SDK1: variants seen among roughly 807,000 people sequenced by gnomAD.
The protein encoded by SDK1 is protein sidekick-1.
A neutral mutation model predicts 245.5 loss-of-function variants in SDK1; 157 were observed. That is an observed-to-expected ratio of 0.64 (90% CI 0.56 to 0.73). The LOEUF is 0.73. Among genes scored for constraint, SDK1 ranks in the 30% least tolerant of loss-of-function variants. The pLI, the probability that SDK1 is intolerant of heterozygous loss-of-function variation, is 0.00. For synonymous variants in SDK1, 1,647 were observed against 1,278.5 expected, an observed-to-expected ratio of 1.29 and a Z score of -6.15; for missense variants, 3,583 against 3,002.3, an observed-to-expected ratio of 1.19 and a Z score of -4.52.
chr7:3,422,472 T>A (rs1779558922), intron 1 of SDK1, among the ~76,000 whole-genome samples: 1 of 152,128 alleles, frequency 6.6e-6, no homozygotes, highest in Non-Finnish European at 1.5e-5. Flanking sequence ...ATAACCAACT[T>A]TTCTTAATAC....
intron 1 of SDK1, among the ~76,000 whole-genome samples, chr7:3,581,572 G>T (rs928821484): frequency 1.3e-5 from 2 of 152,152 alleles, no homozygotes; most frequent in African/African-American, 4.8e-5. Flanking sequence ...TTAAACCATT[G>T]TGGAAGGCAG....
intron 20 of SDK1, among the ~76,000 whole-genome samples, chr7:4,071,588 A>G (rs1374035553): frequency 1.3e-5 from 2 of 152,228 alleles, no homozygotes; most frequent in Admixed American, 1.3e-4. Flanking sequence ...AGGGCACTAT[A>G]GACTGCAGGA....
chr7:4,260,228 G>A (rs1787896392), intron 44 of SDK1, among the ~76,000 whole-genome samples: 2 of 146,698 alleles, frequency 1.4e-5, no homozygotes, highest in African/African-American at 2.6e-5. Context: ...GTGTGTGTGG[G>A]AAGATGTGTT....
In SDK1 at chr7:3,446,402, C is replaced by G. The variant is rs73293185; in HGVS notation, c.298+144518C>G. On this transcript the variant is annotated intron_variant, in intron 1 of 44. Transcript: ENST00000404826. ...ATTTTTGCACTTTATCATACAATTG[C>G]GGAAAGTTGGAGACAATCTTATAGT... Among the ~76,000 whole-genome samples the G allele has an allele frequency of 9.2e-3, 1,396 of 152,142 alleles. 27 individuals are homozygous for G. Among genetic ancestry groups the G allele is most frequent in the African/African-American group, 0.032 (1,312 of 41,514 alleles).
At chr7:3,359,517 T>C (rs1369331746) in intron 1 of SDK1, among the ~76,000 whole-genome samples, 2 of 152,114 alleles carry the variant, frequency 1.3e-5, no homozygotes, top group African/African-American at 4.8e-5. Flanking sequence ...TTTTTGATTG[T>C]CTATTTTTGC....
chr7:3,508,180 T>G (rs750674783), intron 1 of SDK1, among the ~76,000 whole-genome samples: 3 of 140,622 alleles, frequency 2.1e-5, no homozygotes, highest in Non-Finnish European at 4.6e-5. Context: ...AGCTGGTGTT[T>G]TCTGAATATT....
chr7:3,649,733 G>A lies in SDK1; in HGVS notation c.713+7628G>A, dbSNP rs375020775. The stretch of plus-strand genomic sequence containing the variant: ...GAACTAAGGCAGAGAGAGGCCAGCA[G>A]TTGGCCGGCGTGGGAGCCACTTGAC... On this transcript the variant is annotated intron_variant, in intron 4 of 44. Coordinates refer to ENST00000404826, the MANE Select transcript of SDK1 (RefSeq NM_152744.4). Among the ~76,000 whole-genome samples, 6 of 152,270 alleles carry A rather than the reference G, an allele frequency of 3.9e-5. No homozygotes were observed. The South Asian group carries it at 8.3e-4, about 21-fold the overall frequency.
chr7:3,551,219 A>T (rs1779398710), intron 1 of SDK1, among the ~76,000 whole-genome samples: 1 of 152,222 alleles, frequency 6.6e-6, no homozygotes, highest in Non-Finnish European at 1.5e-5. Flanking sequence ...CTGTGTTTGT[A>T]ATGTAGTATT....
chr7:3,419,415 A>C (rs915882375), intron 1 of SDK1, among the ~76,000 whole-genome samples: 1 of 151,890 alleles, frequency 6.6e-6, no homozygotes, highest in Non-Finnish European at 1.5e-5. Context: ...CCTCCCTGAC[A>C]CTAGAGCACC....
intron 4 of SDK1, among the ~76,000 whole-genome samples, chr7:3,815,692 C>G (rs1583443122): frequency 1.3e-5 from 2 of 151,930 alleles, no homozygotes; most frequent in African/African-American, 4.8e-5. Flanking sequence ...AGGAATGGTA[C>G]CAGTTCCTCC....
chr7:3,522,388 C>G (rs562627489), intron 1 of SDK1, among the ~76,000 whole-genome samples: 1 of 152,164 alleles, frequency 6.6e-6, no homozygotes, highest in Non-Finnish European at 1.5e-5. Context: ...GTCTTTAATT[C>G]GGAGACAATG....
At chr7:3,912,908 C>T (rs1299199970) in intron 5 of SDK1, among the ~76,000 whole-genome samples, 2 of 152,212 alleles carry the variant, frequency 1.3e-5, no homozygotes, top group Non-Finnish European at 2.9e-5. Context: ...GACATCTGTT[C>T]CCACGAGATG....
intron 1 of SDK1, among the ~76,000 whole-genome samples, chr7:3,606,872 C>G (rs183864797): frequency 1.3e-5 from 2 of 151,280 alleles, no homozygotes; most frequent in Non-Finnish European, 2.9e-5. Flanking sequence ...AATCATAAAC[C>G]AAAATAACAC....
chr7:3,524,654 A>T (rs1293038338), intron 1 of SDK1, among the ~76,000 whole-genome samples: 1 of 152,184 alleles, frequency 6.6e-6, no homozygotes, highest in Non-Finnish European at 1.5e-5. Flanking sequence ...ACACACTGAG[A>T]TGGGGAAACT....
At chr7:3,583,157 G>A (rs1175541940) in intron 1 of SDK1, among the ~76,000 whole-genome samples, 1 of 152,220 alleles carries the variant, frequency 6.6e-6, no homozygotes, top group Non-Finnish European at 1.5e-5. Context: ...CCTGCGTGTA[G>A]GCCATGCAGC....
chr7:3,564,878 G>C (rs1330674857), intron 1 of SDK1, among the ~76,000 whole-genome samples: 1 of 152,164 alleles, frequency 6.6e-6, no homozygotes, highest in East Asian at 1.9e-4. Context: ...CAGTACCTGT[G>C]AATGTAACAG....
At chr7:3,558,793 C>T (rs1197930852) in intron 1 of SDK1, among the ~76,000 whole-genome samples, 1 of 152,222 alleles carries the variant, frequency 6.6e-6, no homozygotes, top group East Asian at 1.9e-4. Flanking sequence ...TTTTTCTCCT[C>T]TGCTAATGAC....
At chr7:4,107,785 GA>G (rs1262879332) in intron 22 of SDK1, among the ~76,000 whole-genome samples, 1 of 152,188 alleles carries the variant, frequency 6.6e-6, no homozygotes, top group East Asian at 1.9e-4. Flanking sequence ...GCCTCCCACG[GA>G]AGCCTGAGCA....
intron 13 of SDK1, among the ~76,000 whole-genome samples, chr7:3,977,724 G>T (rs958041244): frequency 1.3e-5 from 2 of 152,244 alleles, no homozygotes; most frequent in African/African-American, 4.8e-5. Flanking sequence ...TGCAGAGGAC[G>T]ACCATATCTT....
Sources: gnomAD v4.1 joint callset for allele counts (sites outside exome capture counted in the v4.1 genomes callset) on GRCh38, gnomAD v4.1.1 for gene constraint, MANE v1.5 for transcripts, NCBI Gene and HGNC (gene_info 2026-07-23, HGNC 2026-07-21) for gene names.